Variants in SAXO1 observed in about 807,000 individuals in gnomAD.
The protein encoded by SAXO1 is 4930500O09Rik.
In SAXO1, 21 loss-of-function variants were observed where a neutral mutation model predicts 17.5. The observed-to-expected ratio is 1.20, with a 90% CI of 0.85 to 1.72. SAXO1 has a LOEUF of 1.72. Ranked by LOEUF, SAXO1 falls within the 40% of genes most tolerant of loss-of-function variation. SAXO1 has a pLI of 0.00. For missense variants in SAXO1, 843 were observed against 596.0 expected (o/e 1.41, Z -4.32); for synonymous variants, 274 against 216.5 (o/e 1.27, Z -2.33).
chr9:18,989,555 T>TGC (rs1491441273), intron 1 of SAXO1, among the ~76,000 whole-genome samples: 2 of 106,890 alleles, frequency 1.9e-5, no homozygotes, highest in African/African-American at 5.8e-5. Flanking sequence ...TTAGCCATTA[T>TGC]GCACACACAC....
intron 1 of SAXO1, among the ~76,000 whole-genome samples, chr9:19,039,264 G>T (rs1001202042): frequency 1.2e-4 from 18 of 152,192 alleles, no homozygotes; most frequent in Non-Finnish European, 1.5e-5. Flanking sequence ...ACCAACTGTG[G>T]TTAAACGTTA....
At chr9:19,039,319 C>T (rs1379240931) in intron 1 of SAXO1, among the ~76,000 whole-genome samples, 4 of 152,038 alleles carry the variant, frequency 2.6e-5, no homozygotes, top group African/African-American at 4.8e-5. Context: ...AACAAAATAA[C>T]GGTATTGTTG....
intron 1 of SAXO1, among the ~76,000 whole-genome samples, chr9:19,016,050 G>C (rs115558872): frequency 6.6e-6 from 1 of 152,172 alleles, no homozygotes; most frequent in Non-Finnish European, 1.5e-5. Context: ...ACATGCAGGG[G>C]AAGGGCACCA....
intron 3 of SAXO1, among the ~76,000 whole-genome samples, chr9:18,930,876 T>C (rs1831016675): frequency 6.6e-6 from 1 of 152,152 alleles, no homozygotes; most frequent in African/African-American, 2.4e-5. Flanking sequence ...AATTACCAGA[T>C]TTAAATTAGC....
intron 1 of SAXO1, among the ~76,000 whole-genome samples, chr9:19,008,241 G>T (rs1330738065): frequency 1.3e-5 from 2 of 152,122 alleles, no homozygotes; most frequent in Admixed American, 1.3e-4. Context: ...GCCTCTCAAA[G>T]TGCTGGGATT....
chr9:19,034,656 G>A (rs1003881636), upstream of SAXO1, among the ~76,000 whole-genome samples: 5 of 152,268 alleles, frequency 3.3e-5, no homozygotes, highest in Admixed American at 6.5e-5. Context: ...TAAGAACAGT[G>A]GGGTGGGAAG....
intron 1 of SAXO1, among the ~76,000 whole-genome samples, chr9:19,005,872 T>C (rs186848229): frequency 3.1e-4 from 47 of 152,274 alleles, no homozygotes; most frequent in African/African-American, 1.1e-3. Flanking sequence ...GATAAGGGAT[T>C]AATATCCAGA....
chr9:18,988,627 G>A (rs1350923479), intron 1 of SAXO1, among the ~76,000 whole-genome samples: 2 of 152,140 alleles, frequency 1.3e-5, no homozygotes, highest in Non-Finnish European at 2.9e-5. Flanking sequence ...AAGCACTTGG[G>A]CCCTTTGGAT....
At chr9:18,977,450 T>G (rs974461914) in intron 1 of SAXO1, among the ~76,000 whole-genome samples, 1 of 152,176 alleles carries the variant, frequency 6.6e-6, no homozygotes, top group Non-Finnish European at 1.5e-5. Context: ...CTCATCTACA[T>G]AGGAGGTGTC....
At chr9:18,940,568 T>C (rs1209122096) in intron 3 of SAXO1, among the ~76,000 whole-genome samples, 3 of 152,316 alleles carry the variant, frequency 2.0e-5, no homozygotes, top group Non-Finnish European at 2.9e-5. Context: ...AATGCTTGGC[T>C]TGACTAAATA....
At chr9:18,942,363 C>T (rs1448217006) in intron 2 of SAXO1, among the ~76,000 whole-genome samples, 1 of 152,158 alleles carries the variant, frequency 6.6e-6, no homozygotes, top group Non-Finnish European at 1.5e-5. Context: ...GATCCCCACC[C>T]CACCTGAAAA....
chr9:18,992,506 G>T (rs922505538), intron 1 of SAXO1, among the ~76,000 whole-genome samples: 1 of 152,162 alleles, frequency 6.6e-6, no homozygotes. Flanking sequence ...TACCAAATAA[G>T]ATCATATTTG....
At chr9:19,043,940 T>A (rs1031408719) in intron 1 of SAXO1, among the ~76,000 whole-genome samples, 1 of 151,398 alleles carries the variant, frequency 6.6e-6, no homozygotes, top group Non-Finnish European at 1.5e-5. Context: ...AGATCGGGAG[T>A]TCGAGACCAG....
intron 1 of SAXO1, among the ~76,000 whole-genome samples, chr9:18,998,331 T>C (rs1022018431): frequency 1.3e-5 from 2 of 151,980 alleles, no homozygotes; most frequent in Admixed American, 6.5e-5. Context: ...CAAGCCTCAA[T>C]AGCCAATTTG....
At chr9:19,033,605 T>A (rs1200473751), upstream of SAXO1, among the ~76,000 whole-genome samples, 1 of 152,218 alleles carries the variant, frequency 6.6e-6, no homozygotes, top group Non-Finnish European at 1.5e-5. Flanking sequence ...GCTTCAGATG[T>A]CTGTTAGAAT....
chr9:18,930,848 T>C (rs558470381), intron 3 of SAXO1, among the ~76,000 whole-genome samples: 38 of 152,152 alleles, frequency 2.5e-4, no homozygotes, highest in Non-Finnish European at 5.1e-4. Context: ...AGACCTAGGT[T>C]GCCCCATCAG....
intron 1 of SAXO1, among the ~76,000 whole-genome samples, chr9:18,982,530 A>T (rs1022463954): frequency 6.6e-6 from 1 of 152,194 alleles, no homozygotes; most frequent in Non-Finnish European, 1.5e-5. Context: ...CTGTCACTGG[A>T]TGACTTCCAA....
chr9:19,012,273 A>G (rs1384555281), intron 1 of SAXO1, among the ~76,000 whole-genome samples: 2 of 152,276 alleles, frequency 1.3e-5, no homozygotes, highest in Non-Finnish European at 2.9e-5. Context: ...TCTCTCATCT[A>G]TACCACTTAC....
intron 1 of SAXO1, among the ~76,000 whole-genome samples, chr9:19,046,077 C>G (rs1378883265): frequency 2.5e-5 from 2 of 79,520 alleles, no homozygotes; most frequent in Non-Finnish European, 4.8e-5. Context: ...AATGAAACTC[C>G]GTCTCAAAAA....
Sources: gnomAD v4.1 joint callset for allele counts (sites outside exome capture counted in the v4.1 genomes callset) on GRCh38, gnomAD v4.1.1 for gene constraint, MANE v1.5 for transcripts, NCBI Gene and HGNC (gene_info 2026-07-23, HGNC 2026-07-21) for gene names.